HPSE2: variants seen among roughly 807,000 people sequenced by gnomAD.
HPSE2 encodes the protein inactive heparanase-2.
Under a neutral mutation model 60.5 loss-of-function variants are expected in HPSE2, and 38 were observed. The observed-to-expected ratio is 0.63, with a 90% CI of 0.48 to 0.82. HPSE2 has a LOEUF of 0.82. HPSE2 is among the 40% of genes least tolerant of loss of function. The pLI is 0.00. For synonymous variants in HPSE2, 295 were observed against 293.2 expected, an observed-to-expected ratio of 1.01 and a Z score of -0.06; for missense variants, 713 against 740.4, an observed-to-expected ratio of 0.96 and a Z score of 0.43.
intron 11 of HPSE2, among the ~76,000 whole-genome samples, chr10:98,466,853 G>T (rs17109942): frequency 6.6e-6 from 1 of 152,006 alleles, no homozygotes; most frequent in African/African-American, 2.4e-5. Context: ...CCATGATATT[G>T]ACCTGTCTAA....
intron 7 of HPSE2, among the ~76,000 whole-genome samples, chr10:98,637,279 T>C (rs1946523042): frequency 1.3e-5 from 2 of 152,180 alleles, no homozygotes; most frequent in Non-Finnish European, 2.9e-5. Flanking sequence ...AGTCATTGTC[T>C]TTCAGGTGCC....
At chr10:98,484,333 G>A (rs1007020634) in intron 10 of HPSE2, among the ~76,000 whole-genome samples, 4 of 152,036 alleles carry the variant, frequency 2.6e-5, no homozygotes, top group Admixed American at 2.0e-4. Context: ...CGCCTCCTGC[G>A]TTCAGGCAAT....
chr10:99,278,473 A>G, the HPSE2 span, among the ~76,000 whole-genome samples: 1 of 152,248 alleles, frequency 6.6e-6, no homozygotes, highest in African/African-American at 2.4e-5. Context: ...TCCAGTCATC[A>G]TACCTAATTT....
intron 2 of HPSE2, among the ~76,000 whole-genome samples, chr10:99,215,811 A>T (rs974491236): frequency 6.6e-6 from 1 of 152,224 alleles, no homozygotes; most frequent in African/African-American, 2.4e-5. Flanking sequence ...AAAATGTTTT[A>T]AAATTGACTG....
At chr10:98,815,159 T>C (rs916191811) in intron 3 of HPSE2, among the ~76,000 whole-genome samples, 4 of 152,058 alleles carry the variant, frequency 2.6e-5, no homozygotes, top group African/African-American at 9.7e-5. Context: ...AGCATGCACC[T>C]GTGGTCCCAG....
At chr10:99,216,353 C>T (rs1047776413) in intron 2 of HPSE2, among the ~76,000 whole-genome samples, 2 of 152,022 alleles carry the variant, frequency 1.3e-5, no homozygotes, top group Non-Finnish European at 2.9e-5. Context: ...TGCCACCATG[C>T]CCTGCTAATT....
At chr10:99,250,794 T>C in the HPSE2 span, among the ~76,000 whole-genome samples, 15 of 152,266 alleles carry the variant, frequency 9.9e-5, no homozygotes, top group African/African-American at 2.6e-4. Context: ...TTTAAAAAAT[T>C]CTTTGAAGTA....
chr10:98,910,921 A>G (rs1953960079), intron 3 of HPSE2, among the ~76,000 whole-genome samples: 1 of 152,218 alleles, frequency 6.6e-6, no homozygotes, highest in Non-Finnish European at 1.5e-5. Flanking sequence ...ACCCAGCTTC[A>G]CTGGCCACCC....
intron 6 of HPSE2, among the ~76,000 whole-genome samples, chr10:98,664,456 C>T (rs1947308035): frequency 6.6e-6 from 1 of 152,100 alleles, no homozygotes; most frequent in Non-Finnish European, 1.5e-5. Flanking sequence ...CGCCATGGCT[C>T]AGAACACCTG....
chr10:98,748,529 A>G (rs947104228), intron 3 of HPSE2, among the ~76,000 whole-genome samples: 1 of 152,134 alleles, frequency 6.6e-6, no homozygotes, highest in African/African-American at 2.4e-5. Context: ...GTGCATTGAC[A>G]TTTCACAGGC....
chr10:99,101,604 G>T (rs1589657829), intron 3 of HPSE2, among the ~76,000 whole-genome samples: 2 of 152,146 alleles, frequency 1.3e-5, no homozygotes, highest in East Asian at 3.8e-4. Context: ...GGATATCCAG[G>T]AATTGAACTC....
chr10:98,686,536 G>A (rs1476674724), intron 6 of HPSE2, among the ~76,000 whole-genome samples: 1 of 151,916 alleles, frequency 6.6e-6, no homozygotes, highest in Non-Finnish European at 1.5e-5. Context: ...TAAGTACCTG[G>A]GACTACAGGC....
chr10:98,765,953 G>T (rs1950110672), intron 3 of HPSE2, among the ~76,000 whole-genome samples: 1 of 151,884 alleles, frequency 6.6e-6, no homozygotes, highest in Non-Finnish European at 1.5e-5. Context: ...AAGAAATAGA[G>T]TAGAAATAAA....
chr10:98,960,468 T>C (rs1955624314), intron 3 of HPSE2, among the ~76,000 whole-genome samples: 2 of 152,076 alleles, frequency 1.3e-5, no homozygotes, highest in South Asian at 4.1e-4. Context: ...GTTAAAAAGA[T>C]TAATCAAGAA....
chr10:99,224,405 ACT>A (rs772405953), intron 2 of HPSE2, among the ~76,000 whole-genome samples: 11 of 144,380 alleles, frequency 7.6e-5, no homozygotes, highest in African/African-American at 1.1e-4. Flanking sequence ...ATTCATTCTC[ACT>A]CTCTTTCTCT....
intron 3 of HPSE2, among the ~76,000 whole-genome samples, chr10:99,103,377 T>A (rs1488459941): frequency 6.6e-6 from 1 of 152,118 alleles, no homozygotes. Context: ...TGAACTCCCA[T>A]TCACAATTGC....
chr10:98,659,369 C>T (rs1225164450), intron 6 of HPSE2, among the ~76,000 whole-genome samples: 2 of 152,104 alleles, frequency 1.3e-5, no homozygotes, highest in South Asian at 2.1e-4. Flanking sequence ...TATAAATGAA[C>T]CTGAACATTT....
chr10:99,057,319 C>T (rs1344425979), intron 3 of HPSE2, among the ~76,000 whole-genome samples: 1 of 152,130 alleles, frequency 6.6e-6, no homozygotes, highest in African/African-American at 2.4e-5. Context: ...CAGCAAGTGA[C>T]TCATGTGCCT....
At chr10:99,305,979 G>GCGCGCGCGCGCGCGCA in the HPSE2 span, among the ~76,000 whole-genome samples, 3 of 80,580 alleles carry the variant, frequency 3.7e-5, no homozygotes, top group Non-Finnish European at 7.1e-5. Context: ...GCGCGCGCGC[G>GCGCGCGCGCGCGCGCA]CACACACACA....
Sources: allele counts gnomAD v4.1 joint callset (sites outside exome capture counted in the v4.1 genomes callset), GRCh38; gene constraint gnomAD v4.1.1; transcripts MANE v1.5; gene names NCBI Gene and HGNC (gene_info 2026-07-23, HGNC 2026-07-21).